NAALADL2: variants seen among roughly 807,000 people sequenced by gnomAD.
The protein encoded by NAALADL2 is inactive N-acetylated-alpha-linked acidic dipeptidase-like protein 2.
In NAALADL2, 76 loss-of-function variants were observed where a neutral mutation model predicts 87.2. That is an observed-to-expected ratio of 0.87 (90% CI 0.72 to 1.05). NAALADL2 has a LOEUF of 1.05. Among genes scored for constraint, NAALADL2 ranks in the 50% least tolerant of loss-of-function variants. The pLI is 0.00. For missense variants in NAALADL2, 1,089 were observed against 945.8 expected, an observed-to-expected ratio of 1.15 and a Z score of -1.99; for synonymous variants, 354 against 331.0, an observed-to-expected ratio of 1.07 and a Z score of -0.75.
At chr3:175,730,338 T>C (rs1039532478) in intron 11 of NAALADL2, among the ~76,000 whole-genome samples, 1 of 145,110 alleles carries the variant, frequency 6.9e-6, no homozygotes, top group South Asian at 2.2e-4. Context: ...CTTTGGCCTG[T>C]AGTAATTTTA....
intron 11 of NAALADL2, among the ~76,000 whole-genome samples, chr3:175,703,231 G>A (rs1266973816): frequency 6.6e-6 from 1 of 152,034 alleles, no homozygotes; most frequent in Non-Finnish European, 1.5e-5. Context: ...TTTTTAAGTA[G>A]AGAGAAATTT....
At chr3:175,019,071 G>A (rs1751224688) in intron 1 of NAALADL2, among the ~76,000 whole-genome samples, 2 of 151,936 alleles carry the variant, frequency 1.3e-5, no homozygotes, top group African/African-American at 4.8e-5. Context: ...GATGATTCCT[G>A]TAGGCATAAT....
intron 1 of NAALADL2, among the ~76,000 whole-genome samples, chr3:174,893,319 C>G (rs539889162): frequency 1.3e-5 from 2 of 150,348 alleles, no homozygotes; most frequent in Admixed American, 6.6e-5. Flanking sequence ...AACCCCCCCC[C>G]GCAAAAAGTT....
At chr3:175,549,111 A>T (rs1416764684) in intron 9 of NAALADL2, among the ~76,000 whole-genome samples, 1 of 149,812 alleles carries the variant, frequency 6.7e-6, no homozygotes, top group Non-Finnish European at 1.5e-5. Flanking sequence ...TGACTTTTTG[A>T]TACTATATAC....
chr3:174,924,671 C>G (rs113239091), intron 1 of NAALADL2, among the ~76,000 whole-genome samples: 3 of 152,286 alleles, frequency 2.0e-5, no homozygotes, highest in African/African-American at 7.2e-5. Context: ...AGTTTACAGT[C>G]CCACCAACAT....
chr3:174,900,073 G>T (rs934115124), intron 1 of NAALADL2, among the ~76,000 whole-genome samples: 3 of 151,804 alleles, frequency 2.0e-5, no homozygotes, highest in Non-Finnish European at 4.4e-5. Context: ...AAATATTAAA[G>T]AAAGAACTAA....
At chr3:174,642,611 G>A (rs1344486248) in intron 2 of NAALADL2, among the ~76,000 whole-genome samples, 1 of 151,160 alleles carries the variant, frequency 6.6e-6, no homozygotes, top group Non-Finnish European at 1.5e-5. Context: ...CTAGCTCCTT[G>A]TGTTTCCTCT....
chr3:174,641,591 AC>A (rs991961090), intron 2 of NAALADL2, among the ~76,000 whole-genome samples: 4 of 152,128 alleles, frequency 2.6e-5, no homozygotes, highest in Non-Finnish European at 5.9e-5. Context: ...ACGTCAATGT[AC>A]CTGTCCCTGG....
At chr3:174,480,140 G>T (rs544591027) in intron 1 of NAALADL2, among the ~76,000 whole-genome samples, 1 of 152,134 alleles carries the variant, frequency 6.6e-6, no homozygotes, top group Admixed American at 6.6e-5. Context: ...CTAAAAAATA[G>T]CAAGGAAGAG....
chr3:175,809,386 T>G lies in NAALADL2; in HGVS notation c.*6183T>G, dbSNP rs1012266535. 1 of 151,564 alleles carries G rather than the reference T, an allele frequency of 6.6e-6. No individual in the cohort carries two copies. The highest frequency in any genetic ancestry group is 2.4e-5 in the African/African-American group (1 of 41,302). The allele number at this position is 151,564 out of a possible 1,614,324, so 9.4% of individuals were successfully genotyped here. ...GGCAAATATTCCTTATATTCTAACT[T>G]GCTACTTGGAGAATATGGATATTCT... On this transcript the variant is annotated 3_prime_UTR_variant, in exon 14 of 14. Coordinates refer to ENST00000454872, the MANE Select transcript of NAALADL2 (RefSeq NM_207015.3).
intron 1 of NAALADL2, among the ~76,000 whole-genome samples, chr3:175,046,929 A>G (rs1289755989): frequency 6.6e-6 from 1 of 152,174 alleles, no homozygotes; most frequent in Non-Finnish European, 1.5e-5. Context: ...TATGTTTCAC[A>G]GTTCTGAAGG....
In NAALADL2 at chr3:175,507,584, A is replaced by G. The variant is rs539192695; in HGVS notation, c.1653+35826A>G. Among the ~76,000 whole-genome samples the G allele has an allele frequency of 2.5e-4, 38 of 151,994 alleles. No homozygotes were observed. In the East Asian group the frequency reaches 6.0e-3, roughly 24 times the overall value. ...ATTACAGGTGCCCGTAACCATGCCG[A>G]ACTAATTTTTTGTACTTTTAGTAGA... On this transcript the variant is annotated intron_variant, in intron 9 of 13. Transcript: ENST00000454872.
intron 11 of NAALADL2, among the ~76,000 whole-genome samples, chr3:175,630,585 A>G (rs1243454421): frequency 6.6e-6 from 1 of 151,782 alleles, no homozygotes; most frequent in Non-Finnish European, 1.5e-5. Context: ...TAAAAACATA[A>G]TCAAACTCAT....
At chr3:174,740,498 A>G (rs936287512) in intron 3 of NAALADL2, among the ~76,000 whole-genome samples, 6 of 151,986 alleles carry the variant, frequency 3.9e-5, no homozygotes, top group Non-Finnish European at 8.8e-5. Context: ...TAATCCAGAA[A>G]GAATGAGTAT....
intron 5 of NAALADL2, among the ~76,000 whole-genome samples, chr3:175,372,217 T>G (rs1283079650): frequency 6.6e-6 from 1 of 152,210 alleles, no homozygotes; most frequent in East Asian, 1.9e-4. Flanking sequence ...CATTCAGTTT[T>G]TGTAAAGCTC....
intron 1 of NAALADL2, among the ~76,000 whole-genome samples, chr3:175,006,069 A>G (rs1229033213): frequency 6.6e-6 from 1 of 152,190 alleles, no homozygotes; most frequent in African/African-American, 2.4e-5. Context: ...CAAGCTTGCC[A>G]GGTTCCTGAT....
intron 4 of NAALADL2, among the ~76,000 whole-genome samples, chr3:175,316,581 TC>T (rs1759173570): frequency 6.6e-6 from 1 of 152,156 alleles, no homozygotes; most frequent in Non-Finnish European, 1.5e-5. Flanking sequence ...TCTTAAGCTA[TC>T]TCAAACCCTA....
rs535808613 is a variant in NAALADL2, at chr3:175,653,011, T to C, written c.1896+25625T>C. 3.3e-4 allele frequency among the ~76,000 whole-genome samples: 51 copies of C among 152,286 alleles called. 1 individual carries two copies. The South Asian group carries it at 1.0e-2, about 30-fold the overall frequency. On this transcript the variant is annotated intron_variant, in intron 11 of 13. Transcript: ENST00000454872. ...TATGTTATATGTATTGTACACTGTA[T>C]TCTTACAATAAAGCAAGCTAGAGAA...
chr3:174,710,262 G>GTT (rs533216185), intron 2 of NAALADL2, among the ~76,000 whole-genome samples: 76 of 108,146 alleles, frequency 7.0e-4, no homozygotes, highest in South Asian at 1.5e-3. Context: ...TTTTCTTTTT[G>GTT]TTTTTTTTTT....
Sources: allele counts gnomAD v4.1 joint callset (sites outside exome capture counted in the v4.1 genomes callset), GRCh38; gene constraint gnomAD v4.1.1; transcripts MANE v1.5; gene names NCBI Gene and HGNC (gene_info 2026-07-23, HGNC 2026-07-21).